The following EDARADD variants were observed in gnomAD, a reference collection of about 807,000 sequenced individuals.
EDARADD encodes EDAR associated via death domain.
In EDARADD, 20 loss-of-function variants were observed where a neutral mutation model predicts 25.6. That is an observed-to-expected ratio of 0.78 (90% CI 0.55 to 1.14). The LOEUF (loss-of-function observed/expected upper bound fraction) is 1.14, where lower values mean the gene tolerates loss of function less well. EDARADD is among the 50% of genes most tolerant of loss of function. The pLI is 0.00. For missense variants in EDARADD, 225 were observed against 270.1 expected, an observed-to-expected ratio of 0.83 and a Z score of 1.17; for synonymous variants, 86 against 94.4, an observed-to-expected ratio of 0.91 and a Z score of 0.52.
At chr1:236,377,371 G>C (rs1022420362) in intron 3 of EDARADD, among the ~76,000 whole-genome samples, 1 of 149,770 alleles carries the variant, frequency 6.7e-6, no homozygotes, top group Non-Finnish European at 1.5e-5. Context: ...GGCCAGGCTG[G>C]TCTCAAACTC....
At chr1:236,481,731 A>G (rs1659678692) in intron 5 of EDARADD, among the ~76,000 whole-genome samples, 1 of 150,280 alleles carries the variant, frequency 6.7e-6, no homozygotes. Flanking sequence ...GTGAGCCGAG[A>G]TCATGCCACT....
chr1:236,349,252 A>C (rs1666885631), intron 2 of EDARADD, among the ~76,000 whole-genome samples: 1 of 143,968 alleles, frequency 6.9e-6, no homozygotes, highest in Admixed American at 6.9e-5. Flanking sequence ...GCTCACTGCA[A>C]CTCCATCTCC....
At chr1:236,453,566 A>G (rs902239123) in intron 4 of EDARADD, among the ~76,000 whole-genome samples, 1 of 152,016 alleles carries the variant, frequency 6.6e-6, no homozygotes, top group Admixed American at 6.5e-5. Flanking sequence ...ATGAGCCACC[A>G]TGCCTGGCCG....
upstream of EDARADD, among the ~76,000 whole-genome samples, chr1:236,390,961 T>TATTATTA: frequency 6.6e-6 from 1 of 151,476 alleles, no homozygotes; most frequent in Non-Finnish European, 1.5e-5. Context: ...TTATTATTAT[T>TATTATTA]TTTTGAGATG....
chr1:236,430,301 T>C (rs1658059748), intron 4 of EDARADD, among the ~76,000 whole-genome samples: 1 of 152,224 alleles, frequency 6.6e-6, no homozygotes, highest in Non-Finnish European at 1.5e-5. Context: ...AGTATAAATT[T>C]GTTCTTCTCA....
At chr1:236,400,977 A>G (rs1384272505) in intron 1 of EDARADD, among the ~76,000 whole-genome samples, 1 of 152,032 alleles carries the variant, frequency 6.6e-6, no homozygotes, top group African/African-American at 2.4e-5. Context: ...GAGGTGGATC[A>G]CCTGAGGTCA....
Position 236,398,320 on chromosome 1 carries a change from C to T in EDARADD, c.61+3815C>T, listed in dbSNP as rs1045716694. Among the ~76,000 whole-genome samples the T allele has an allele frequency of 6.6e-6, 1 of 152,174 alleles. No individual in the cohort carries two copies. The highest frequency in any genetic ancestry group is 2.4e-5 in the African/African-American group (1 of 41,438). On this transcript the variant is annotated intron_variant, in intron 1 of 5. Transcript: ENST00000334232. This position sits in a 1 kb window ranked among gnomAD's most constrained non-coding sequence, Gnocchi z 4.1. ...TTTGTATTTTTAGGCTGGTCTCGAA[C>T]TCCTGACCTCAAGTGATCCACCCAC...
intron 4 of EDARADD, among the ~76,000 whole-genome samples, chr1:236,467,066 AAAAAAAAC>A (rs1405504324): frequency 1.5e-5 from 2 of 135,922 alleles, no homozygotes; most frequent in Non-Finnish European, 3.0e-5. Flanking sequence ...ACTCCGTCTC[AAAAAAAAC>A]AAAAAAACAA....
chr1:236,379,975 G>A (rs1451579806), intron 3 of EDARADD, among the ~76,000 whole-genome samples: 1 of 152,150 alleles, frequency 6.6e-6, no homozygotes, highest in African/African-American at 2.4e-5. Flanking sequence ...TAAAATTGCT[G>A]TGTTACAGCT....
chr1:236,472,855 C>A (rs1255452858), intron 5 of EDARADD, among the ~76,000 whole-genome samples: 1 of 152,154 alleles, frequency 6.6e-6, no homozygotes, highest in African/African-American at 2.4e-5. Context: ...ATGGGGTTAG[C>A]TGCTGCTAAA....
chr1:236,357,890 T>TTG (rs1304724411), intron 3 of EDARADD, among the ~76,000 whole-genome samples: 7 of 151,742 alleles, frequency 4.6e-5, no homozygotes, highest in African/African-American at 1.7e-4. Flanking sequence ...TTTTTTTTTT[T>TTG]GAGATGGAGT....
At chr1:236,396,764 T>C (rs879339992) in intron 1 of EDARADD, among the ~76,000 whole-genome samples, 1 of 151,762 alleles carries the variant, frequency 6.6e-6, no homozygotes, top group Admixed American at 6.6e-5. Context: ...ATACATTGTC[T>C]AGATATTCTT....
intron 3 of EDARADD, among the ~76,000 whole-genome samples, chr1:236,372,914 A>AT (rs34634477): frequency 0.087 from 9,878 of 113,414 alleles, 909 homozygotes; most frequent in African/African-American, 0.17. Flanking sequence ...CTCTTCTTAC[A>AT]TTTTTTTTTT....
chr1:236,354,154 A>G (rs1465989313), intron 3 of EDARADD, among the ~76,000 whole-genome samples: 2 of 152,146 alleles, frequency 1.3e-5, no homozygotes, highest in Non-Finnish European at 2.9e-5. Context: ...ACACAGCACA[A>G]TTTATTCCTA....
intron 5 of EDARADD, among the ~76,000 whole-genome samples, chr1:236,480,052 A>T (rs1659625090): frequency 6.7e-6 from 1 of 148,202 alleles, no homozygotes. Context: ...TCAAAAAACA[A>T]AACAAAATCC....
At chr1:236,379,576 C>T (rs1325286736) in intron 3 of EDARADD, among the ~76,000 whole-genome samples, 2 of 151,866 alleles carry the variant, frequency 1.3e-5, no homozygotes, top group East Asian at 3.9e-4. Flanking sequence ...GTCAGGAGTT[C>T]GACACCAGCC....
chr1:236,373,425 T>TG (rs1322171505), intron 3 of EDARADD, among the ~76,000 whole-genome samples: 1 of 152,124 alleles, frequency 6.6e-6, no homozygotes, highest in Non-Finnish European at 1.5e-5. Context: ...AGGCTGGTCT[T>TG]GAACTCCTGA....
At chr1:236,371,186 T>C (rs755493989) in intron 3 of EDARADD, among the ~76,000 whole-genome samples, 4 of 152,218 alleles carry the variant, frequency 2.6e-5, no homozygotes, top group Non-Finnish European at 5.9e-5. Flanking sequence ...GAGGAGCTAA[T>C]ATAAATGGTA....
At chr1:236,370,555 T>G (rs1476617645) in intron 3 of EDARADD, among the ~76,000 whole-genome samples, 3 of 152,094 alleles carry the variant, frequency 2.0e-5, no homozygotes, top group Non-Finnish European at 4.4e-5. Flanking sequence ...AAGGATGACT[T>G]GGTGGGTAGG....
Sources: allele counts gnomAD v4.1 joint callset (sites outside exome capture counted in the v4.1 genomes callset), GRCh38; gene constraint gnomAD v4.1.1; non-coding constraint Gnocchi (gnomAD v3.1); transcripts MANE v1.5; gene names NCBI Gene and HGNC (gene_info 2026-07-23, HGNC 2026-07-21).